Variants in SH3YL1 observed in about 807,000 individuals in gnomAD.
SH3YL1 encodes SH3 and SYLF domain containing 1.
In SH3YL1, 41 loss-of-function variants were observed where a neutral mutation model predicts 45.8. The observed-to-expected ratio is 0.89, with a 90% CI of 0.70 to 1.16. The LOEUF is 1.16. Ranked by LOEUF, SH3YL1 falls within the 50% of genes most tolerant of loss-of-function variation. SH3YL1 has a pLI of 0.00. For synonymous variants in SH3YL1, 152 were observed against 151.4 expected (o/e 1.00, Z -0.03); for missense variants, 389 against 409.6 (o/e 0.95, Z 0.43).
At chr2:229,592 A>G (rs976255761) in intron 8 of SH3YL1, among the ~76,000 whole-genome samples, 13 of 150,708 alleles carry the variant, frequency 8.6e-5, no homozygotes, top group Middle Eastern at 6.9e-3. Flanking sequence ...AGCCGGGCGT[A>G]GTGGCGGGCG....
chr2:255,683 A>C (rs1290271863), intron 1 of SH3YL1, among the ~76,000 whole-genome samples: 1 of 152,232 alleles, frequency 6.6e-6, no homozygotes, highest in African/African-American at 2.4e-5. Context: ...TGTCAGTATC[A>C]GTTCTTTGTG....
intron 4 of SH3YL1, among the ~76,000 whole-genome samples, chr2:244,352 C>G (rs896598212): frequency 6.6e-6 from 1 of 151,904 alleles, no homozygotes; most frequent in Non-Finnish European, 1.5e-5. Context: ...AAAAATTAGC[C>G]GAGCATGGTG....
At chr2:219,055 G>T in intron 9 of SH3YL1, 54 bp from the exon 10 acceptor site, 2 of 1,445,060 alleles carry the variant, frequency 1.4e-6, no homozygotes, top group East Asian at 2.4e-5. Flanking sequence ...GAAATTGGGG[G>T]TATCTGCTGG....
chr2:237,252 G>C (rs1485546050), intron 4 of SH3YL1, among the ~76,000 whole-genome samples: 1 of 151,326 alleles, frequency 6.6e-6, no homozygotes, highest in Non-Finnish European at 1.5e-5. Context: ...AGCTATGAGA[G>C]GCAGCTGAAG....
intron 4 of SH3YL1, among the ~76,000 whole-genome samples, chr2:234,885 T>G (rs1386493239): frequency 6.6e-6 from 1 of 152,184 alleles, no homozygotes; most frequent in African/African-American, 2.4e-5. Context: ...ATTTTTCTTT[T>G]TTTTTCCTTG....
At chr2:246,028 T>G (rs1382321598) in intron 4 of SH3YL1, among the ~76,000 whole-genome samples, 1 of 151,998 alleles carries the variant, frequency 6.6e-6, no homozygotes, top group African/African-American at 2.4e-5. Context: ...AAACCCCATC[T>G]CTACTAAAAA....
chr2:250,087 T>C lies in SH3YL1; in HGVS notation c.113-243A>G, dbSNP rs1013803421. Among the ~76,000 whole-genome samples, 11 of 152,358 alleles carry C rather than the reference T, an allele frequency of 7.2e-5. No individual in the cohort carries two copies. The East Asian group carries it at 2.1e-3, about 29-fold the overall frequency. On this transcript the variant is annotated intron_variant, in intron 2 of 9. Transcript: ENST00000356150. ...CAACATCATAAATATCCTCACATCC[T>C]GTAACTGACAAAATAAATTAGATAT...
intron 9 of SH3YL1, 25 bp downstream of exon 9, chr2:224,839 A>G: frequency 6.5e-7 from 1 of 1,527,002 alleles, no homozygotes; most frequent in Non-Finnish European, 9.1e-7. Flanking sequence ...TGAATCATTT[A>G]TAACATATAG....
intron 6 of SH3YL1, 123 bp from the exon 7 acceptor site, chr2:231,314 C>T (rs978286371): frequency 2.3e-5 from 17 of 736,858 alleles, no homozygotes; most frequent in African/African-American, 3.6e-5. Flanking sequence ...TTCATATACA[C>T]TACTTTTTAA....
chr2:252,000 G>C (rs1479657353), intron 2 of SH3YL1, among the ~76,000 whole-genome samples: 1 of 152,194 alleles, frequency 6.6e-6, no homozygotes, highest in Non-Finnish European at 1.5e-5. Context: ...AGACAAGTAT[G>C]CTATGAACAC....
intron 1 of SH3YL1, among the ~76,000 whole-genome samples, chr2:262,021 T>G (rs1669607440): frequency 6.6e-6 from 1 of 152,210 alleles, no homozygotes; most frequent in Non-Finnish European, 1.5e-5. Context: ...CAAAGGAACT[T>G]GAATGCTGCT....
At chr2:233,574 C>T (rs891721340) in intron 5 of SH3YL1, among the ~76,000 whole-genome samples, 9 of 152,308 alleles carry the variant, frequency 5.9e-5, no homozygotes, top group Admixed American at 4.6e-4. Flanking sequence ...AAATACATCT[C>T]AAGAGTGCTA....
chr2:262,495 G>A, intron 1 of SH3YL1: 10 of 910,322 alleles, frequency 1.1e-5, no homozygotes, highest in Middle Eastern at 5.4e-4. Flanking sequence ...TCTTGGTACA[G>A]AGCAGTTCCA....
At chr2:264,238 C>T (rs1274939323), upstream of SH3YL1, 4 of 463,302 alleles carry the variant, frequency 8.6e-6, no homozygotes, top group Non-Finnish European at 1.5e-5. Context: ...AGCCCCGCGG[C>T]GGCTCCAAGC....
At chr2:241,795 T>C (rs1668558117) in intron 4 of SH3YL1, 1 of 152,092 alleles carries the variant, frequency 6.6e-6, no homozygotes. Flanking sequence ...TCAGCAAAAG[T>C]ATATTTCAAA....
intron 2 of SH3YL1, among the ~76,000 whole-genome samples, chr2:252,627 CATT>C (rs1429074089): frequency 6.6e-6 from 1 of 152,096 alleles, no homozygotes; most frequent in Admixed American, 6.6e-5. Flanking sequence ...TAATTAATAT[CATT>C]ATTTTATCAT....
At chr2:249,882 G>T in intron 2 of SH3YL1, 38 bp from the exon 3 acceptor site, 3 of 1,373,178 alleles carry the variant, frequency 2.2e-6, no homozygotes, top group South Asian at 1.2e-5. Flanking sequence ...TAAGCATTTT[G>T]ATCTATGTGC....
At chr2:232,428 A>T (rs1259921289) in intron 6 of SH3YL1, among the ~76,000 whole-genome samples, 2 of 125,686 alleles carry the variant, frequency 1.6e-5, no homozygotes, top group African/African-American at 6.4e-5. Context: ...GAGTATTACT[A>T]ACTTATGTTT....
chr2:263,846 T>G (rs1217545753), intron 1 of SH3YL1, 138 bp downstream of exon 1: 1 of 690,758 alleles, frequency 1.4e-6, no homozygotes, highest in East Asian at 3.1e-5. Context: ...ATCTTAACTT[T>G]GGGCGGTTTG....
Sources: allele counts gnomAD v4.1 joint callset (sites outside exome capture counted in the v4.1 genomes callset), GRCh38; gene constraint gnomAD v4.1.1; transcripts MANE v1.5; gene names NCBI Gene and HGNC (gene_info 2026-07-23, HGNC 2026-07-21).